The following SEMA5A variants were observed in gnomAD, a reference collection of about 807,000 sequenced individuals.
SEMA5A encodes the protein semaphorin-5A.
SEMA5A carries 55 observed loss-of-function variants against 135.5 expected under a neutral mutation model. That is an observed-to-expected ratio of 0.41 (90% confidence interval 0.33 to 0.51). The LOEUF (loss-of-function observed/expected upper bound fraction) is 0.51, where lower values mean the gene tolerates loss of function less well. Ranked by LOEUF, SEMA5A falls within the 20% of genes least tolerant of loss-of-function variation. SEMA5A has a pLI of 0.37. For synonymous variants in SEMA5A, 580 were observed against 546.5 expected, an observed-to-expected ratio of 1.06 and a Z score of -0.85; for missense variants, 1,290 against 1,419.9, an observed-to-expected ratio of 0.91 and a Z score of 1.47.
rs138711705 is a variant in SEMA5A, at chr5:9,074,681, T to C, written c.2074-8035A>G. Among the ~76,000 whole-genome samples the C allele has an allele frequency of 3.4e-3, 522 of 152,278 alleles. 1 individual carries two copies. The highest frequency in any genetic ancestry group is 5.6e-3 in the Non-Finnish European group (379 of 68,004). ...CTAATAGAAAAACTGCTGAAAGATA[T>C]GTATAGGCATTTCAACAAAGATATG... On this transcript the variant is annotated intron_variant, in intron 16 of 22. Coordinates refer to ENST00000382496, the MANE Select transcript of SEMA5A (RefSeq NM_003966.3).
intron 11 of SEMA5A, among the ~76,000 whole-genome samples, chr5:9,182,148 T>TTC: frequency 1.5e-5 from 2 of 130,898 alleles, no homozygotes; most frequent in African/African-American, 6.5e-5. Flanking sequence ...TTATTGCTTC[T>TTC]GCCCCCCACC....
chr5:9,315,809 T>G (rs1021449068), intron 5 of SEMA5A, among the ~76,000 whole-genome samples: 1 of 152,188 alleles, frequency 6.6e-6, no homozygotes, highest in African/African-American at 2.4e-5. Context: ...TTTGACTATT[T>G]GGTCATGGGC....
rs1205110317 is a variant in SEMA5A at position 9,545,366 on chromosome 5, T to G, written c.-175+218A>C. 1.3e-5 allele frequency among the ~76,000 whole-genome samples: 2 copies of G among 151,820 alleles called. No individual in the cohort carries two copies. Among genetic ancestry groups the G allele is most frequent in the Admixed American group, 1.3e-4 (2 of 15,270 alleles). On this transcript the variant is annotated intron_variant, in intron 1 of 22. Coordinates refer to ENST00000382496, the MANE Select transcript of SEMA5A (RefSeq NM_003966.3). The surrounding 1 kb of genome is among the most constrained non-coding windows in gnomAD (Gnocchi z 4.5). Reference sequence around the variant, plus strand: ...GGCGGGTACACAAACTTCCAGCCCGTGCACTAGCTCAACTGTGGGCGCCCC... The same window carrying G: ...GGCGGGTACACAAACTTCCAGCCCGGGCACTAGCTCAACTGTGGGCGCCCC...
At chr5:9,243,990 A>G (rs978058560) in intron 5 of SEMA5A, among the ~76,000 whole-genome samples, 14 of 152,206 alleles carry the variant, frequency 9.2e-5, no homozygotes, top group Admixed American at 9.2e-4. Context: ...CAAAAAAGCC[A>G]TTGATTCCCT....
chr5:9,123,258 C>CAAAAAAAAAAAAAAAAAA (rs57533658), intron 13 of SEMA5A, among the ~76,000 whole-genome samples: 3 of 38,942 alleles, frequency 7.7e-5, no homozygotes, highest in African/African-American at 1.3e-4. Context: ...GACTCCGCCT[C>CAAAAAAAAAAAAAAAAAA]AAAAAAAAAA....
intron 3 of SEMA5A, among the ~76,000 whole-genome samples, chr5:9,376,939 C>G (rs1755385183): frequency 6.6e-6 from 1 of 152,150 alleles, no homozygotes; most frequent in South Asian, 2.1e-4. Context: ...TTCGAATAAT[C>G]TCTTTCAACG....
At chr5:9,460,715 A>G (rs910166339) in intron 1 of SEMA5A, among the ~76,000 whole-genome samples, 34 of 152,290 alleles carry the variant, frequency 2.2e-4, no homozygotes, top group African/African-American at 7.9e-4. Context: ...TTGAACTCCC[A>G]GATATTAAGG....
chr5:9,382,374 A>G (rs964789210), intron 2 of SEMA5A, among the ~76,000 whole-genome samples: 122 of 152,246 alleles, frequency 8.0e-4, no homozygotes, highest in African/African-American at 2.7e-3. Flanking sequence ...AACTGAGGGG[A>G]AAAGCTATTA....
intron 11 of SEMA5A, among the ~76,000 whole-genome samples, chr5:9,175,078 A>G (rs528234451): frequency 2.4e-4 from 37 of 152,300 alleles, no homozygotes; most frequent in Non-Finnish European, 4.7e-4. Context: ...GCCAGGTGAC[A>G]GGAATTTTAT....
At chr5:9,544,861 C>T (rs755184909) in intron 1 of SEMA5A, among the ~76,000 whole-genome samples, 13 of 152,202 alleles carry the variant, frequency 8.5e-5, no homozygotes, top group Non-Finnish European at 1.8e-4. Flanking sequence ...TTCCCACGCA[C>T]ATCTTGGGAG....
chr5:9,102,891 T>A (rs1333101863), intron 16 of SEMA5A, among the ~76,000 whole-genome samples: 1 of 152,180 alleles, frequency 6.6e-6, no homozygotes, highest in Non-Finnish European at 1.5e-5. Context: ...TTTTGTTGTA[T>A]TAGTGAGGTT....
rs1737462237 is a variant in SEMA5A at position 9,066,337 on chromosome 5, GC to G, written c.2299+83del. The G allele has an allele frequency of 2.3e-6, 3 of 1,291,476 alleles. No individual in the cohort carries two copies. In the African/African-American group the frequency reaches 4.4e-5, roughly 19 times the overall value. 80.0% of individuals were successfully genotyped at this position (1,291,476 alleles called of 1,614,324 possible). A position where few individuals can be genotyped will look rare whatever the true frequency, so the allele number is the denominator to read the frequency against. Reference sequence around the variant, plus strand: ...GCCATAAATAACCAAAAAGGAAAATGCCCCCTTGCTGTTTATGACCTTAGAG... The same window carrying G: ...GCCATAAATAACCAAAAAGGAAAATGCCCCTTGCTGTTTATGACCTTAGAG... On this transcript the variant is annotated intron_variant, in intron 17 of 22. Transcript: ENST00000382496.
chr5:9,126,361 A>G (rs1741110998), intron 13 of SEMA5A, among the ~76,000 whole-genome samples: 1 of 152,146 alleles, frequency 6.6e-6, no homozygotes, highest in Admixed American at 6.5e-5. Flanking sequence ...CAAGGGAAAG[A>G]GGATCGGACA....
rs761510218 is a variant in SEMA5A at position 9,457,068 on chromosome 5, C to T, written c.-174-19216G>A. Among the ~76,000 whole-genome samples, 5 of 152,228 alleles carry T rather than the reference C, an allele frequency of 3.3e-5. No individual in the cohort carries two copies. In the South Asian group the frequency reaches 6.2e-4, roughly 19 times the overall value. On this transcript the variant is annotated intron_variant, in intron 1 of 22. Coordinates refer to ENST00000382496, the MANE Select transcript of SEMA5A (RefSeq NM_003966.3). The stretch of plus-strand genomic sequence containing the variant: ...TCTAGATCGAGCCTAGCAAATTAGC[C>T]CAAATATGTATCTATTTCAGAGCTT...
At chr5:9,197,343 C>G in intron 9 of SEMA5A, 40 bp from the exon 10 acceptor site, 4 of 1,600,176 alleles carry the variant, frequency 2.5e-6, no homozygotes, top group Non-Finnish European at 3.4e-6. Flanking sequence ...TCAGAGAGCT[C>G]GGCAGCACCT....
intron 18 of SEMA5A, among the ~76,000 whole-genome samples, chr5:9,059,117 C>T (rs1375946100): frequency 3.6e-4 from 54 of 151,966 alleles, no homozygotes; most frequent in Admixed American, 3.5e-3. Context: ...TCAGTTAAGT[C>T]TGATGAAAAG....
rs1464231309 is a variant in SEMA5A at position 9,118,998 on chromosome 5, C to A, written c.1925G>T (p.Arg642Ile). The A allele has an allele frequency of 1.2e-6, 2 of 1,612,722 alleles. No homozygotes were observed. Among genetic ancestry groups the A allele is most frequent in the Admixed American group, 1.7e-5 (1 of 59,908 alleles). Reference protein sequence around the residue: ...RVCVGQNREERYCNEHLLCPP... With the variant: ...RVCVGQNREEIYCNEHLLCPP... The stretch of plus-strand genomic sequence containing the variant: ...TGCTGGCAGCAGGGTGGGCACGTAC[C>A]TTTCCTCGCGGTTCTGTCCCACGCA... Residue 642 changes from arginine (R) to isoleucine (I), a missense_variant and splice_region_variant, in exon 15 of 23, where the codon AGA becomes ATA. Physicochemically the swap from Arg to Ile is moderately conservative, Grantham distance 97. This residue lies in a region of SEMA5A where 1,029 missense variants were observed against 1,086.6 expected (regional missense o/e 0.95). Coordinates refer to ENST00000382496, the MANE Select transcript of SEMA5A (RefSeq NM_003966.3).
intron 12 of SEMA5A, among the ~76,000 whole-genome samples, chr5:9,145,992 C>A (rs549941318): frequency 6.6e-6 from 1 of 152,078 alleles, no homozygotes; most frequent in Non-Finnish European, 1.5e-5. Flanking sequence ...TGTTTCTCAA[C>A]TGAAGTACAA....
chr5:9,263,298 G>T (rs1749504279), intron 5 of SEMA5A, among the ~76,000 whole-genome samples: 1 of 152,168 alleles, frequency 6.6e-6, no homozygotes, highest in African/African-American at 2.4e-5. Context: ...TTAGGAACCA[G>T]GCCGCACAGC....
Sources: gnomAD v4.1 joint callset for allele counts (sites outside exome capture counted in the v4.1 genomes callset) on GRCh38, gnomAD v4.1.1 for gene constraint, gnomAD v4.1.1 regional missense constraint, Gnocchi (gnomAD v3.1) non-coding constraint, MANE v1.5 for transcripts, NCBI Gene and HGNC (gene_info 2026-07-23, HGNC 2026-07-21) for gene names.